Variants in PLCB4 observed in about 807,000 individuals in gnomAD.
PLCB4 encodes 1-phosphatidylinositol 4,5-bisphosphate phosphodiesterase beta-4.
Under a neutral mutation model 178.8 loss-of-function variants are expected in PLCB4, and 77 were observed. The observed-to-expected ratio is 0.43, with a 90% CI of 0.36 to 0.52. PLCB4 has a LOEUF of 0.52. Among genes scored for constraint, PLCB4 ranks in the 20% least tolerant of loss-of-function variants. The pLI is 0.00. For missense variants in PLCB4, 1,024 were observed against 1,453.4 expected, an observed-to-expected ratio of 0.70 and a Z score of 4.80; for synonymous variants, 496 against 490.8, an observed-to-expected ratio of 1.01 and a Z score of -0.14.
At chr20:9,363,080 T>C (rs1487804010) in intron 8 of PLCB4, 105 bp downstream of exon 8, 2 of 782,862 alleles carry the variant, frequency 2.6e-6, no homozygotes, top group Non-Finnish European at 4.4e-6. Flanking sequence ...CCTGCTTGCC[T>C]TTCCCTCCAT....
chr20:9,461,357 A>T (rs2043379779), intron 35 of PLCB4, among the ~76,000 whole-genome samples: 1 of 152,158 alleles, frequency 6.6e-6, no homozygotes, highest in Non-Finnish European at 1.5e-5. Flanking sequence ...AAGATGGGTG[A>T]TTTCTGCATT....
At chr20:9,463,382 C>A (rs1204780141) in intron 35 of PLCB4, among the ~76,000 whole-genome samples, 3 of 152,000 alleles carry the variant, frequency 2.0e-5, no homozygotes, top group Non-Finnish European at 2.9e-5. Flanking sequence ...AACCAGTTAA[C>A]ATCATAATGA....
intron 25 of PLCB4, among the ~76,000 whole-genome samples, chr20:9,411,976 C>G (rs2039892628): frequency 6.6e-6 from 1 of 152,310 alleles, no homozygotes; most frequent in Admixed American, 6.5e-5. Context: ...TTAGGAATGA[C>G]TTTTCAGCAT....
intron 2 of PLCB4, among the ~76,000 whole-genome samples, chr20:9,152,026 C>T (rs2092700381): frequency 1.3e-5 from 2 of 152,114 alleles, no homozygotes; most frequent in South Asian, 4.1e-4. Flanking sequence ...CCTTAGAGAT[C>T]TGTGGAACTT....
chr20:9,297,025 CAA>C (rs1040964835), intron 3 of PLCB4, among the ~76,000 whole-genome samples: 3 of 151,762 alleles, frequency 2.0e-5, no homozygotes. Flanking sequence ...AAAAAAGAAA[CAA>C]GATGACTTTT....
At chr20:9,117,312 T>A (rs534352981) in intron 2 of PLCB4, among the ~76,000 whole-genome samples, 1 of 152,326 alleles carries the variant, frequency 6.6e-6, no homozygotes, top group Admixed American at 6.5e-5. Flanking sequence ...TGTCAAAGGG[T>A]GTGAACATAT....
intron 32 of PLCB4, among the ~76,000 whole-genome samples, chr20:9,445,154 C>T (rs2276478): frequency 0.22 from 32,888 of 152,104 alleles, 4,068 homozygotes; most frequent in East Asian, 0.37. Flanking sequence ...CCTCAAACAT[C>T]GTCACTTCCA....
chr20:9,171,719 A>G (rs2093066779), intron 2 of PLCB4, among the ~76,000 whole-genome samples: 2 of 152,192 alleles, frequency 1.3e-5, no homozygotes, highest in Non-Finnish European at 2.9e-5. Flanking sequence ...TGAGACTTCT[A>G]CTTTGAATAT....
chr20:9,447,416 C>T (rs2042480055), intron 32 of PLCB4, among the ~76,000 whole-genome samples: 1 of 152,180 alleles, frequency 6.6e-6, no homozygotes, highest in Non-Finnish European at 1.5e-5. Context: ...TTTATGTGGT[C>T]TCCTGTCTTC....
At position 9,393,198 on chromosome 20, in the gene PLCB4, G is replaced by A. The variant is rs2038291871; in HGVS notation, c.1324-390G>A. ...CCTGACACTTGGGGGGATCTGGGGG[G>A]CCTCTCACTTGGGAAAGCTAATTCT... On this transcript the variant is annotated intron_variant, in intron 17 of 39. Coordinates refer to ENST00000378473, the MANE Select transcript of PLCB4 (RefSeq NM_001377142.1). Among the ~76,000 whole-genome samples the A allele has an allele frequency of 3.3e-5, 5 of 152,092 alleles. No individual in the cohort carries two copies. In the South Asian group the frequency reaches 8.3e-4, roughly 25 times the overall value.
At chr20:9,146,668 G>A (rs2092603969) in intron 2 of PLCB4, among the ~76,000 whole-genome samples, 1 of 152,104 alleles carries the variant, frequency 6.6e-6, no homozygotes, top group Non-Finnish European at 1.5e-5. Flanking sequence ...TTAATTGGTA[G>A]TTTCTGACTC....
At chr20:9,316,035 CAT>C (rs2094895516) in intron 4 of PLCB4, among the ~76,000 whole-genome samples, 1 of 152,050 alleles carries the variant, frequency 6.6e-6, no homozygotes. Flanking sequence ...CTGAGGCAAA[CAT>C]AGTCTTGGCA....
chr20:9,149,993 C>T (rs924147055), intron 2 of PLCB4, among the ~76,000 whole-genome samples: 4 of 152,104 alleles, frequency 2.6e-5, no homozygotes, highest in Admixed American at 1.3e-4. Context: ...GGCAGTTGAC[C>T]GTGAATGGAA....
intron 24 of PLCB4, among the ~76,000 whole-genome samples, chr20:9,410,353 G>A (rs936376846): frequency 6.6e-6 from 1 of 152,178 alleles, no homozygotes; most frequent in Non-Finnish European, 1.5e-5. Context: ...CCCAACTTGT[G>A]TTCTCAGTTG....
At chr20:9,287,490 A>C (rs2147740008) in intron 3 of PLCB4, among the ~76,000 whole-genome samples, 1 of 152,204 alleles carries the variant, frequency 6.6e-6, no homozygotes, top group South Asian at 2.1e-4. Flanking sequence ...TAAAGTATAG[A>C]GTTAATCTCT....
intron 25 of PLCB4, among the ~76,000 whole-genome samples, chr20:9,412,479 T>C: frequency 6.6e-6 from 1 of 152,120 alleles, no homozygotes. Context: ...GCACAGGGTT[T>C]GTTGTACTCA....
intron 2 of PLCB4, among the ~76,000 whole-genome samples, chr20:9,119,429 A>T (rs978215425): frequency 1.8e-4 from 28 of 152,080 alleles, no homozygotes; most frequent in African/African-American, 6.5e-4. Context: ...GTGTGCCCCC[A>T]ATTATGATGA....
intron 1 of PLCB4, among the ~76,000 whole-genome samples, chr20:9,079,595 G>C (rs947920299): frequency 5.3e-5 from 8 of 152,182 alleles, no homozygotes; most frequent in Admixed American, 5.2e-4. Flanking sequence ...GTAAGTGAAT[G>C]GGTCTGGGAA....
intron 2 of PLCB4, among the ~76,000 whole-genome samples, chr20:9,191,841 A>G (rs2093408561): frequency 6.6e-6 from 1 of 150,776 alleles, no homozygotes; most frequent in African/African-American, 2.4e-5. Flanking sequence ...TAGGTCTGCT[A>G]TGGTCATGGC....
Sources: allele counts gnomAD v4.1 joint callset (sites outside exome capture counted in the v4.1 genomes callset), GRCh38; gene constraint gnomAD v4.1.1; transcripts MANE v1.5; gene names NCBI Gene and HGNC (gene_info 2026-07-23, HGNC 2026-07-21).